TPRG1: variants seen among roughly 807,000 people sequenced by gnomAD.
TPRG1 encodes the protein tumor protein p63-regulated gene 1 protein.
Under a neutral mutation model 29.3 loss-of-function variants are expected in TPRG1, and 29 were observed. The observed-to-expected ratio is 0.99, with a 90% confidence interval of 0.74 to 1.35. The LOEUF is 1.35. Among genes scored for constraint, TPRG1 ranks in the 40% most tolerant of loss-of-function variants. TPRG1 has a pLI of 0.00. For synonymous variants in TPRG1, 130 were observed against 116.8 expected, an observed-to-expected ratio of 1.11 and a Z score of -0.73; for missense variants, 327 against 335.0, an observed-to-expected ratio of 0.98 and a Z score of 0.19.
At chr3:189,098,546 A>G (rs893994606), upstream of TPRG1, among the ~76,000 whole-genome samples, 3 of 152,042 alleles carry the variant, frequency 2.0e-5, no homozygotes, top group African/African-American at 7.2e-5. Flanking sequence ...AAGCCCCTGC[A>G]CTCCCAAAAT....
At chr3:189,143,445 C>T (rs1389768497) in intron 3 of TPRG1, among the ~76,000 whole-genome samples, 2 of 152,180 alleles carry the variant, frequency 1.3e-5, no homozygotes, top group African/African-American at 2.4e-5. Flanking sequence ...GTGACAAACT[C>T]AGAGTAGGAT....
intron 4 of TPRG1, among the ~76,000 whole-genome samples, chr3:189,041,477 A>G (rs1396245845): frequency 6.6e-6 from 1 of 152,186 alleles, no homozygotes. Flanking sequence ...CACGTACTTC[A>G]CAGGACTATT....
chr3:189,176,951 A>G (rs1374820104), intron 1 of TPRG1, among the ~76,000 whole-genome samples: 1 of 152,240 alleles, frequency 6.6e-6, no homozygotes, highest in African/African-American at 2.4e-5. Context: ...GATGAATGAC[A>G]TGGTCTGACT....
At position 189,187,338 on chromosome 3, in the gene TPRG1, A is replaced by C. The variant is rs187288872; in HGVS notation, c.-10+15207A>C. Among the ~76,000 whole-genome samples, 539 of 147,728 alleles carry C rather than the reference A, an allele frequency of 3.6e-3. 2 individuals carry two copies. Among genetic ancestry groups the C allele is most frequent in the Middle Eastern group, 7.5e-3 (2 of 268 alleles). ...TTTGTTTTTTTTGAGATGGAGTCTC[A>C]CTCTGTCACCCAGGCTGGAGTGCAG... On this transcript the variant is annotated intron_variant, in intron 1 of 5. Coordinates refer to ENST00000345063, the MANE Select transcript of TPRG1 (RefSeq NM_198485.4).
intron 2 of TPRG1, among the ~76,000 whole-genome samples, chr3:189,210,964 T>C (rs924079802): frequency 6.6e-6 from 1 of 152,180 alleles, no homozygotes; most frequent in Non-Finnish European, 1.5e-5. Context: ...TTAAAATTAT[T>C]GCACAGGAGG....
chr3:189,170,439 CTAA>C (rs1285009352), upstream of TPRG1, among the ~76,000 whole-genome samples: 2 of 152,192 alleles, frequency 1.3e-5, no homozygotes, highest in African/African-American at 2.4e-5. Context: ...CAGCCCGGAT[CTAA>C]TGCCGCCTCC....
intron 4 of TPRG1, among the ~76,000 whole-genome samples, chr3:189,085,029 A>G (rs1717840525): frequency 6.6e-6 from 1 of 152,260 alleles, no homozygotes; most frequent in African/African-American, 2.4e-5. Flanking sequence ...TGATCCTTGC[A>G]GCAGTCCTCT....
intron 1 of TPRG1, among the ~76,000 whole-genome samples, chr3:189,118,646 G>C (rs151201801): frequency 5.3e-5 from 8 of 152,326 alleles, no homozygotes; most frequent in Non-Finnish European, 1.2e-4. Context: ...AGCTCCAGCT[G>C]TGGCTAAAAG....
intron 3 of TPRG1, among the ~76,000 whole-genome samples, chr3:189,009,174 G>A (rs898851925): frequency 1.1e-4 from 17 of 151,942 alleles, no homozygotes; most frequent in African/African-American, 3.9e-4. Context: ...CCACTGTTTC[G>A]TGGCCCACCG....
At chr3:189,036,184 T>G (rs1157075679) in intron 4 of TPRG1, among the ~76,000 whole-genome samples, 2 of 152,264 alleles carry the variant, frequency 1.3e-5, no homozygotes, top group East Asian at 3.9e-4. Flanking sequence ...TACTGCATGT[T>G]CTCATTTGTA....
rs566855567 is a variant in TPRG1 at position 189,042,500 on chromosome 3, C to G, written c.-463+18554C>G. On this transcript the variant is annotated intron_variant, in intron 4 of 10. Coordinates refer to the TPRG1 transcript ENST00000433971. ...CCAATCCTGGTTAATTATGGATTTT[C>G]AAGAAATACTTTTTGAATGAAGAGG... Among the ~76,000 whole-genome samples, 13 of 152,076 alleles carry G rather than the reference C, an allele frequency of 8.5e-5. No individual in the cohort carries two copies. In the South Asian group the frequency reaches 2.5e-3, roughly 29 times the overall value.
At chr3:189,176,619 G>A (rs1729523590) in intron 1 of TPRG1, among the ~76,000 whole-genome samples, 1 of 152,176 alleles carries the variant, frequency 6.6e-6, no homozygotes, top group African/African-American at 2.4e-5. Context: ...GGGTGCTTAG[G>A]GTGGAATGAG....
chr3:189,179,363 C>T, intron 1 of TPRG1, among the ~76,000 whole-genome samples: 1 of 152,192 alleles, frequency 6.6e-6, no homozygotes, highest in East Asian at 1.9e-4. Flanking sequence ...CCTCACCCAT[C>T]ACTGAGATCA....
Position 189,219,974 on chromosome 3 carries a change from A to G in TPRG1, c.302+4591A>G, listed in dbSNP as rs529178438. On this transcript the variant is annotated intron_variant, in intron 3 of 5. Coordinates refer to ENST00000345063, the MANE Select transcript of TPRG1 (RefSeq NM_198485.4). ...CATATAGACGGTAGAATCAAAGTGA[A>G]GTTGAAGAGTCAGCCTGGTGTCATA... Among the ~76,000 whole-genome samples, 18 of 152,364 alleles carry G rather than the reference A, an allele frequency of 1.2e-4. No homozygotes were observed. The South Asian group carries it at 3.7e-3, about 32-fold the overall frequency.
intron 3 of TPRG1, among the ~76,000 whole-genome samples, chr3:189,227,857 C>T (rs554376692): frequency 1.2e-4 from 18 of 152,296 alleles, no homozygotes; most frequent in African/African-American, 2.4e-4. Context: ...CACAGTGGCT[C>T]ATGCTTGTAA....
intron 1 of TPRG1, among the ~76,000 whole-genome samples, chr3:189,206,828 T>TGTGTGTGTGTGTGTGTGTGTGTGTGTGC (rs1001912347): frequency 5.9e-5 from 9 of 151,900 alleles, no homozygotes; most frequent in African/African-American, 1.7e-4. Context: ...TGTGTGTGTG[T>TGTGTGTGTGTGTGTGTGTGTGTGTGTGC]GCACGCGTGT....
intron 4 of TPRG1, among the ~76,000 whole-genome samples, chr3:189,025,520 G>A (rs957826697): frequency 2.0e-5 from 3 of 152,316 alleles, no homozygotes; most frequent in East Asian, 1.9e-4. Context: ...CTTCTAATCA[G>A]CCATCTTGTC....
chr3:189,081,856 T>G (rs1717615474), intron 4 of TPRG1, among the ~76,000 whole-genome samples: 1 of 152,228 alleles, frequency 6.6e-6, no homozygotes, highest in African/African-American at 2.4e-5. Context: ...TCTGTATTGA[T>G]GAAACTTTTT....
At chr3:189,158,438 G>A (rs147669276) in intron 5 of TPRG1, among the ~76,000 whole-genome samples, 2,183 of 151,894 alleles carry the variant, frequency 0.014, 59 homozygotes, top group African/African-American at 0.05. Context: ...GTGAAACCCC[G>A]TCTCTACTAA....
Sources: gnomAD v4.1 joint callset for allele counts (sites outside exome capture counted in the v4.1 genomes callset) on GRCh38, gnomAD v4.1.1 for gene constraint, MANE v1.5 for transcripts, NCBI Gene and HGNC (gene_info 2026-07-23, HGNC 2026-07-21) for gene names.